Variants in SYNPR observed in about 807,000 individuals in gnomAD.
SYNPR encodes synaptoporin.
Under a neutral mutation model 32.9 loss-of-function variants are expected in SYNPR, and 23 were observed. That is an observed-to-expected ratio of 0.70 (90% confidence interval 0.50 to 0.99). SYNPR has a LOEUF of 0.99. Ranked by LOEUF, SYNPR falls within the 50% of genes least tolerant of loss-of-function variation. SYNPR has a pLI of 0.00. For missense variants in SYNPR, 318 were observed against 349.3 expected, an observed-to-expected ratio of 0.91 and a Z score of 0.71; for synonymous variants, 146 against 135.9, an observed-to-expected ratio of 1.07 and a Z score of -0.52.
chr3:63,227,425 C>CAG (rs1290358535), upstream of SYNPR, among the ~76,000 whole-genome samples: 3 of 152,108 alleles, frequency 2.0e-5, no homozygotes, highest in Admixed American at 2.0e-4. Flanking sequence ...GAGATAAAAT[C>CAG]AGAGAGAGAG....
intron 3 of SYNPR, among the ~76,000 whole-genome samples, chr3:63,507,154 A>G (rs753186775): frequency 1.2e-4 from 17 of 141,098 alleles, no homozygotes; most frequent in Non-Finnish European, 1.5e-4. Context: ...CTCAAAAAAT[A>G]AAAAAAAAAA....
chr3:63,374,754 A>T (rs1418473134), intron 2 of SYNPR, among the ~76,000 whole-genome samples: 3 of 152,180 alleles, frequency 2.0e-5, no homozygotes, highest in African/African-American at 2.4e-5. Flanking sequence ...ATAAGTTTAC[A>T]GTTACATTCT....
chr3:63,255,755 A>C (rs996207715), intron 2 of SYNPR, among the ~76,000 whole-genome samples: 3 of 152,134 alleles, frequency 2.0e-5, no homozygotes, highest in Non-Finnish European at 4.4e-5. Context: ...TGGGTGAAGG[A>C]CAGTGGGTGC....
chr3:63,202,739 T>C, the SYNPR span, among the ~76,000 whole-genome samples: 6 of 152,130 alleles, frequency 3.9e-5, no homozygotes, highest in African/African-American at 1.4e-4. Flanking sequence ...CTATGCTCTT[T>C]CTTTATCGCA....
intron 1 of SYNPR, among the ~76,000 whole-genome samples, chr3:63,235,886 A>G (rs2086197282): frequency 6.6e-6 from 1 of 152,042 alleles, no homozygotes; most frequent in Admixed American, 6.6e-5. Flanking sequence ...AGTCCAATCT[A>G]TCAATTTTTC....
chr3:63,412,003 A>G (rs1035692864), intron 2 of SYNPR, among the ~76,000 whole-genome samples: 6 of 152,116 alleles, frequency 3.9e-5, no homozygotes, highest in Admixed American at 3.9e-4. Flanking sequence ...AGTGCAGGCC[A>G]AGAGTGGATT....
intron 3 of SYNPR, among the ~76,000 whole-genome samples, chr3:63,532,279 G>T (rs936332667): frequency 6.6e-6 from 1 of 152,136 alleles, no homozygotes; most frequent in Non-Finnish European, 1.5e-5. Flanking sequence ...CTAGCTACAC[G>T]ACATTTTATG....
intron 2 of SYNPR, among the ~76,000 whole-genome samples, chr3:63,401,087 G>A (rs2088284107): frequency 6.6e-6 from 1 of 152,010 alleles, no homozygotes; most frequent in African/African-American, 2.4e-5. Context: ...TCGAGAGGGA[G>A]GTGGTTTACA....
In SYNPR at chr3:63,245,680, T is replaced by TGA. The variant is rs71992869; in HGVS notation, n.67-6789_67-6788dup. 2.2e-3 allele frequency among the ~76,000 whole-genome samples: 276 copies of TGA among 123,348 alleles called. 1 individual carries two copies. The highest frequency in any genetic ancestry group is 0.012 in the East Asian group (56 of 4,566). 80.9% of individuals were successfully genotyped at this position (123,348 alleles called of 152,430 possible). A position where few individuals can be genotyped will look rare whatever the true frequency, so the allele number is the denominator to read the frequency against. ...AGTTACCTAAGAAAGCTTTGTCAAG[T>TGA]GAGAGAGAGAGAGAGAGAGAGAGAG... On this transcript the variant is annotated intron_variant and non_coding_transcript_variant, in intron 1 of 4. Coordinates refer to the SYNPR transcript ENST00000478456.
chr3:63,461,237 T>G (rs754876728), intron 2 of SYNPR, among the ~76,000 whole-genome samples: 1 of 152,156 alleles, frequency 6.6e-6, no homozygotes, highest in Non-Finnish European at 1.5e-5. Flanking sequence ...TCATTTCTAA[T>G]GTTTCATTGG....
chr3:63,547,868 T>C (rs921128361), intron 3 of SYNPR, among the ~76,000 whole-genome samples: 19 of 152,314 alleles, frequency 1.2e-4, no homozygotes, highest in African/African-American at 3.6e-4. Context: ...AATCACTTGA[T>C]CAAATTTGAA....
At chr3:63,220,857 G>A in the SYNPR span, among the ~76,000 whole-genome samples, 1 of 152,170 alleles carries the variant, frequency 6.6e-6, no homozygotes, top group Non-Finnish European at 1.5e-5. Flanking sequence ...GCTGGTTGCT[G>A]TTCCTTCAAC....
intron 4 of SYNPR, among the ~76,000 whole-genome samples, chr3:63,567,377 A>G (rs577009060): frequency 5.3e-5 from 8 of 152,198 alleles, no homozygotes; most frequent in Non-Finnish European, 1.2e-4. Context: ...TGATTGGGGC[A>G]TCCAGCTGAG....
intron 4 of SYNPR, among the ~76,000 whole-genome samples, chr3:63,580,128 T>G (rs1469807147): frequency 6.6e-6 from 1 of 152,128 alleles, no homozygotes; most frequent in Non-Finnish European, 1.5e-5. Context: ...AATCCCTGTA[T>G]TCATCACTTT....
At chr3:63,388,215 A>G (rs531139804) in intron 2 of SYNPR, among the ~76,000 whole-genome samples, 1 of 152,174 alleles carries the variant, frequency 6.6e-6, no homozygotes, top group African/African-American at 2.4e-5. Flanking sequence ...AGCTGATGGC[A>G]GAGCATTCCC....
At chr3:63,203,462 C>G in the SYNPR span, 1 of 152,180 alleles carries the variant, frequency 6.6e-6, no homozygotes, top group Non-Finnish European at 1.5e-5. Flanking sequence ...AGCTAAAGCT[C>G]AAATCACCTT....
At chr3:63,497,992 G>GA (rs563654130) in intron 3 of SYNPR, among the ~76,000 whole-genome samples, 1 of 151,690 alleles carries the variant, frequency 6.6e-6, no homozygotes, top group Non-Finnish European at 1.5e-5. Context: ...CAGGGAGTAA[G>GA]AAAAAAAAGT....
chr3:63,325,987 A>G (rs1271778369), intron 2 of SYNPR, among the ~76,000 whole-genome samples: 2 of 151,942 alleles, frequency 1.3e-5, no homozygotes, highest in African/African-American at 4.8e-5. Flanking sequence ...AAGATGAGAA[A>G]TTGTCATTTT....
chr3:63,341,628 T>C (rs982170946), intron 2 of SYNPR, among the ~76,000 whole-genome samples: 1 of 152,246 alleles, frequency 6.6e-6, no homozygotes, highest in Non-Finnish European at 1.5e-5. Context: ...TCTTTTCATA[T>C]GCTTATTTGC....
Sources: allele counts gnomAD v4.1 joint callset (sites outside exome capture counted in the v4.1 genomes callset), GRCh38; gene constraint gnomAD v4.1.1; transcripts MANE v1.5; gene names NCBI Gene and HGNC (gene_info 2026-07-23, HGNC 2026-07-21).